The following PDE3A variants were observed in gnomAD, a reference collection of about 807,000 sequenced individuals.
PDE3A encodes phosphodiesterase 3A, also known as cGMP-inhibited 3',5'-cyclic phosphodiesterase 3A.
Under a neutral mutation model 98.3 loss-of-function variants are expected in PDE3A, and 43 were observed. That is an observed-to-expected ratio of 0.44 (90% CI 0.34 to 0.56). The LOEUF (loss-of-function observed/expected upper bound fraction) is 0.56. Ranked by LOEUF, PDE3A falls within the 20% of genes least tolerant of loss-of-function variation. PDE3A has a pLI of 0.01. For synonymous variants in PDE3A, 663 were observed against 567.9 expected (o/e 1.17, Z -2.38); for missense variants, 1,427 against 1,440.7 (o/e 0.99, Z 0.15).
intron 2 of PDE3A, among the ~76,000 whole-genome samples, chr12:20,582,619 T>C (rs1216190181): frequency 1.3e-5 from 2 of 152,184 alleles, no homozygotes; most frequent in South Asian, 2.1e-4. Context: ...TCATCATTGA[T>C]CCATGTTGCA....
chr12:20,537,752 T>G (rs963199278), intron 1 of PDE3A, among the ~76,000 whole-genome samples: 1 of 152,078 alleles, frequency 6.6e-6, no homozygotes, highest in Non-Finnish European at 1.5e-5. Context: ...AAACAGCTAT[T>G]AAACCCAAGT....
At chr12:20,652,286 T>A (rs1376624052) in intron 14 of PDE3A, among the ~76,000 whole-genome samples, 1 of 152,212 alleles carries the variant, frequency 6.6e-6, no homozygotes, top group Non-Finnish European at 1.5e-5. Context: ...ATATACCCAG[T>A]AATGGGATGG....
chr12:20,407,843 A>AT (rs11433958), intron 1 of PDE3A, among the ~76,000 whole-genome samples: 4,758 of 152,170 alleles, frequency 0.031, 240 homozygotes, highest in African/African-American at 0.11. Context: ...GTAAAAATTA[A>AT]TTTTTTTGTT....
At chr12:20,618,692 G>T (rs1280761133) in intron 4 of PDE3A, among the ~76,000 whole-genome samples, 1 of 152,058 alleles carries the variant, frequency 6.6e-6, no homozygotes, top group Non-Finnish European at 1.5e-5. Flanking sequence ...AATTGGAGGG[G>T]TAAATTAGAT....
chr12:20,380,108 T>C (rs1483385975), intron 1 of PDE3A, among the ~76,000 whole-genome samples: 1 of 151,914 alleles, frequency 6.6e-6, no homozygotes, highest in African/African-American at 2.4e-5. Context: ...TCTTCAGCTA[T>C]CACCTTTTTT....
Position 20,688,407 on chromosome 12 carries a change from T to C in PDE3A, c.*8136T>C, listed in dbSNP as rs1946039528. ...TATTTTTATTATTTTTTAGCTTAGA[T>C]ACTATGTTGATGCTCCCTTTTTGCC... On this transcript the variant is annotated 3_prime_UTR_variant, in exon 16 of 16. Coordinates refer to ENST00000359062, the MANE Select transcript of PDE3A (RefSeq NM_000921.5). 6.6e-6 allele frequency among the ~76,000 whole-genome samples: 1 copy of C among 151,696 alleles called. No individual in the cohort carries two copies.
intron 10 of PDE3A, among the ~76,000 whole-genome samples, chr12:20,643,939 A>T (rs984644518): frequency 1.3e-5 from 2 of 152,072 alleles, no homozygotes; most frequent in Non-Finnish European, 2.9e-5. Context: ...CTGCAAGTTC[A>T]CCTGGAATAG....
intron 15 of PDE3A, among the ~76,000 whole-genome samples, chr12:20,663,635 G>A (rs1389196745): frequency 6.6e-6 from 1 of 152,138 alleles, no homozygotes; most frequent in East Asian, 1.9e-4. Flanking sequence ...CTTTGTTTTG[G>A]CAGATTTCTC....
intron 1 of PDE3A, among the ~76,000 whole-genome samples, chr12:20,464,492 T>C (rs117685023): frequency 6.6e-6 from 1 of 152,178 alleles, no homozygotes; most frequent in African/African-American, 2.4e-5. Context: ...ATCATAATTA[T>C]CTTTTCTGTA....
chr12:20,536,796 G>A (rs1215645148), intron 1 of PDE3A, among the ~76,000 whole-genome samples: 2 of 152,026 alleles, frequency 1.3e-5, no homozygotes, highest in South Asian at 2.1e-4. Flanking sequence ...TTAGTTAGTA[G>A]ACATTTTAGT....
At chr12:20,618,718 G>C (rs951279403) in intron 4 of PDE3A, among the ~76,000 whole-genome samples, 1 of 151,976 alleles carries the variant, frequency 6.6e-6, no homozygotes, top group African/African-American at 2.4e-5. Context: ...AATACAAGTA[G>C]GTGCTTAAAA....
At chr12:20,499,723 A>C (rs1385085300) in intron 1 of PDE3A, among the ~76,000 whole-genome samples, 3 of 152,166 alleles carry the variant, frequency 2.0e-5, no homozygotes. Flanking sequence ...GCACTAATGC[A>C]CAAGTCTTAA....
At chr12:20,481,956 G>T (rs1945637768) in intron 1 of PDE3A, among the ~76,000 whole-genome samples, 1 of 151,562 alleles carries the variant, frequency 6.6e-6, no homozygotes, top group Admixed American at 6.6e-5. Context: ...TGTAGAGACG[G>T]GATTTCACCG....
At chr12:20,531,327 A>G (rs1941594204) in intron 1 of PDE3A, among the ~76,000 whole-genome samples, 1 of 152,192 alleles carries the variant, frequency 6.6e-6, no homozygotes, top group South Asian at 2.1e-4. Context: ...ACAGGAAAAA[A>G]TAATGTTTAT....
At chr12:20,547,685 T>A (rs1344352121) in intron 1 of PDE3A, among the ~76,000 whole-genome samples, 1 of 152,094 alleles carries the variant, frequency 6.6e-6, no homozygotes, top group Non-Finnish European at 1.5e-5. Context: ...TAATTTTTTA[T>A]TTCCCATCTA....
At chr12:20,435,478 A>C (rs1944765191) in intron 1 of PDE3A, among the ~76,000 whole-genome samples, 2 of 152,128 alleles carry the variant, frequency 1.3e-5, no homozygotes, top group Admixed American at 6.6e-5. Flanking sequence ...TGGTTATACA[A>C]CTGCTGGAAC....
At chr12:20,607,094 A>G (rs1402290660) in intron 2 of PDE3A, among the ~76,000 whole-genome samples, 1 of 151,972 alleles carries the variant, frequency 6.6e-6, no homozygotes, top group East Asian at 1.9e-4. Flanking sequence ...CATCCTGGAA[A>G]TGGGAAAGTA....
intron 1 of PDE3A, among the ~76,000 whole-genome samples, chr12:20,537,687 A>C (rs1485714718): frequency 3.9e-5 from 6 of 152,088 alleles, no homozygotes; most frequent in Non-Finnish European, 7.4e-5. Flanking sequence ...ATTCTATTTT[A>C]AAAATAACAT....
intron 1 of PDE3A, among the ~76,000 whole-genome samples, chr12:20,466,102 A>G (rs140372303): frequency 6.6e-6 from 1 of 152,232 alleles, no homozygotes; most frequent in African/African-American, 2.4e-5. Flanking sequence ...CTAGAGATCT[A>G]TCCAAATAGT....
Sources: allele counts gnomAD v4.1 joint callset (sites outside exome capture counted in the v4.1 genomes callset), GRCh38; gene constraint gnomAD v4.1.1; transcripts MANE v1.5; gene names NCBI Gene and HGNC (gene_info 2026-07-23, HGNC 2026-07-21).